The following BNC2 variants were observed in gnomAD, a reference collection of about 807,000 sequenced individuals.
BNC2 encodes zinc finger protein basonuclin-2.
In BNC2, 20 loss-of-function variants were observed where a neutral mutation model predicts 76.3. That is an observed-to-expected ratio of 0.26 (90% confidence interval 0.18 to 0.38). The LOEUF is 0.38. Among genes scored for constraint, BNC2 ranks in the 10% least tolerant of loss-of-function variants. The probability of loss-of-function intolerance (pLI) is 1.00; values close to 1 mark genes in which losing one functional copy is unlikely to be tolerated. For missense variants in BNC2, 1,382 were observed against 1,399.8 expected, an observed-to-expected ratio of 0.99 and a Z score of 0.20; for synonymous variants, 582 against 514.8, an observed-to-expected ratio of 1.13 and a Z score of -1.77.
intron 5 of BNC2, among the ~76,000 whole-genome samples, chr9:16,454,642 G>A (rs1821410494): frequency 6.6e-6 from 1 of 152,076 alleles, no homozygotes; most frequent in Admixed American, 6.6e-5. Flanking sequence ...ATTTGTTTCT[G>A]TTGAAAACTA....
chr9:16,607,938 A>G (rs1213770998), intron 3 of BNC2, among the ~76,000 whole-genome samples: 2 of 152,130 alleles, frequency 1.3e-5, no homozygotes, highest in Admixed American at 1.3e-4. Context: ...AGGATCCCCA[A>G]TTTACTCTTA....
chr9:16,568,244 T>A (rs901736482), intron 4 of BNC2, among the ~76,000 whole-genome samples: 1 of 152,192 alleles, frequency 6.6e-6, no homozygotes, highest in Non-Finnish European at 1.5e-5. Flanking sequence ...ATTGTTTTTA[T>A]GAAACTCTTT....
chr9:16,868,299 G>C (rs1482131306), intron 1 of BNC2: 1 of 152,106 alleles, frequency 6.6e-6, no homozygotes, highest in Non-Finnish European at 1.5e-5. Flanking sequence ...GTAAAGCACT[G>C]AACTCAAGAA....
At chr9:16,523,490 A>AC (rs34383591) in intron 5 of BNC2, among the ~76,000 whole-genome samples, 23,281 of 146,348 alleles carry the variant, frequency 0.16, 2,062 homozygotes, top group East Asian at 0.24. Flanking sequence ...AAAAAAAACA[A>AC]AACAAAAAAA....
chr9:16,731,001 C>T (rs1824488350), intron 2 of BNC2, among the ~76,000 whole-genome samples: 1 of 151,980 alleles, frequency 6.6e-6, no homozygotes, highest in East Asian at 1.9e-4. Context: ...TCTATAAATC[C>T]CCAAGATACA....
At chr9:16,529,702 C>T (rs1017783136) in intron 5 of BNC2, among the ~76,000 whole-genome samples, 2 of 152,002 alleles carry the variant, frequency 1.3e-5, no homozygotes, top group African/African-American at 4.8e-5. Flanking sequence ...TTTGAGTATG[C>T]TATTCATTAA....
intron 5 of BNC2, among the ~76,000 whole-genome samples, chr9:16,487,269 G>A (rs1226554554): frequency 2.0e-5 from 3 of 152,134 alleles, no homozygotes; most frequent in South Asian, 2.1e-4. Flanking sequence ...GGCTGGGGGT[G>A]GAGGGGGCGG....
chr9:16,836,740 T>C (rs1269695786), intron 1 of BNC2, among the ~76,000 whole-genome samples: 1 of 151,856 alleles, frequency 6.6e-6, no homozygotes, highest in African/African-American at 2.4e-5. Context: ...TCCCATAAAG[T>C]AAAAATTATC....
intron 3 of BNC2, among the ~76,000 whole-genome samples, chr9:16,662,724 A>G (rs1245493866): frequency 6.6e-6 from 1 of 151,940 alleles, no homozygotes; most frequent in Non-Finnish European, 1.5e-5. Flanking sequence ...TGACAGAGTG[A>G]GACTGTCTCA....
At chr9:16,804,896 T>C (rs1001548351) in intron 1 of BNC2, among the ~76,000 whole-genome samples, 8 of 152,036 alleles carry the variant, frequency 5.3e-5, no homozygotes, top group African/African-American at 1.9e-4. Flanking sequence ...ACCCCGTCTC[T>C]ACTAAAAATA....
intron 4 of BNC2, among the ~76,000 whole-genome samples, chr9:16,573,163 A>C (rs961194522): frequency 6.6e-6 from 1 of 150,842 alleles, no homozygotes; most frequent in African/African-American, 2.4e-5. Flanking sequence ...AGGAAGGGGA[A>C]GTTGCAATGA....
chr9:16,529,577 A>C (rs2132204614), intron 5 of BNC2, among the ~76,000 whole-genome samples: 1 of 152,298 alleles, frequency 6.6e-6, no homozygotes, highest in African/African-American at 2.4e-5. Flanking sequence ...TTCTTACCTA[A>C]TTCTGGTCCC....
intron 4 of BNC2, among the ~76,000 whole-genome samples, chr9:16,577,591 T>C (rs575555210): frequency 6.6e-6 from 1 of 152,216 alleles, no homozygotes; most frequent in South Asian, 2.1e-4. Flanking sequence ...CTGCTTACTT[T>C]ACATTAAAAA....
rs1187265097 is a variant in BNC2 at position 16,411,494 on chromosome 9, T to C, written c.*7495A>G. The C allele has an allele frequency of 2.6e-5, 4 of 152,654 alleles. No individual in the cohort carries two copies. The highest frequency in any genetic ancestry group is 1.9e-4 in the East Asian group (1 of 5,206). The allele number at this position is 152,654 out of a possible 1,614,324, so 9.5% of individuals were successfully genotyped here. A position where few individuals can be genotyped will look rare whatever the true frequency, so the allele number is the denominator to read the frequency against. ...TTTAGAGTTAAGGGGAGAAAGCTAG[T>C]ATCAGCGAGCAGAACTTGTGCAATT... is the stretch of plus-strand genomic sequence containing the variant. On this transcript the variant is annotated 3_prime_UTR_variant, in exon 7 of 7. Coordinates refer to ENST00000380672, the MANE Select transcript of BNC2 (RefSeq NM_017637.6).
intron 5 of BNC2, among the ~76,000 whole-genome samples, chr9:16,453,512 A>T (rs1366699551): frequency 6.6e-6 from 1 of 152,172 alleles, no homozygotes; most frequent in African/African-American, 2.4e-5. Context: ...AATGGCTCAC[A>T]TTACATCCTA....
At chr9:16,551,319 G>A (rs963402110) in intron 5 of BNC2, among the ~76,000 whole-genome samples, 1 of 152,054 alleles carries the variant, frequency 6.6e-6, no homozygotes, top group Non-Finnish European at 1.5e-5. Flanking sequence ...TCCTTCCACT[G>A]CTCTCCTGTC....
At position 16,727,826 on chromosome 9, in the gene BNC2, T is replaced by G. The variant is rs775993285; in HGVS notation, c.301A>C (p.Thr101Pro). 1 of 1,614,054 alleles carries G rather than the reference T, an allele frequency of 6.2e-7. No individual in the cohort carries two copies. The highest frequency in any genetic ancestry group is 1.3e-5 in the African/African-American group (1 of 74,924). The stretch of plus-strand genomic sequence containing the variant: ...TGGGACATTCTGAATAAGAGGTTAG[T>G]ATCAGCGTTTTGCCATGTCCCCATG... ...GFMGTWQNAD[T>P]NLLFRMSQQA... The change falls in exon 3 of 7, where the codon ACT (threonine) becomes CCT (proline). Residue 101 changes from threonine to proline, a missense_variant. This residue lies in a region of BNC2 where 557 missense variants were observed against 540.9 expected (regional missense o/e 1.03). Coordinates refer to ENST00000380672, the MANE Select transcript of BNC2 (RefSeq NM_017637.6).
At chr9:16,800,326 G>C (rs954167805) in intron 1 of BNC2, among the ~76,000 whole-genome samples, 1 of 151,992 alleles carries the variant, frequency 6.6e-6, no homozygotes, top group African/African-American at 2.4e-5. Context: ...ACTTCTAGAA[G>C]AAACGAAATA....
At chr9:16,539,643 G>A (rs1444858988) in intron 5 of BNC2, among the ~76,000 whole-genome samples, 1,826 of 48,582 alleles carry the variant, frequency 0.038, 319 homozygotes, top group African/African-American at 0.19. Flanking sequence ...GCGAGGGAGG[G>A]AGAGAGAGAG....
Sources: gnomAD v4.1 joint callset for allele counts (sites outside exome capture counted in the v4.1 genomes callset) on GRCh38, gnomAD v4.1.1 for gene constraint, gnomAD v4.1.1 regional missense constraint, MANE v1.5 for transcripts, NCBI Gene and HGNC (gene_info 2026-07-23, HGNC 2026-07-21) for gene names.